The following ARG1 variants were observed in gnomAD, a reference collection of about 807,000 sequenced individuals.
The protein encoded by ARG1 is arginase 1, also known as arginase-1.
A neutral mutation model predicts 33.0 loss-of-function variants in ARG1; 20 were observed. The observed-to-expected ratio is 0.61, with a 90% confidence interval of 0.43 to 0.88. The LOEUF is 0.88. ARG1 is among the 40% of genes least tolerant of loss of function. ARG1 has a pLI of 0.00. For missense variants in ARG1, 374 were observed against 384.7 expected (o/e 0.97, Z 0.23); for synonymous variants, 146 against 140.6 (o/e 1.04, Z -0.27).
intron 1 of ARG1, chr6:131,574,080 G>T: frequency 4.8e-6 from 3 of 626,702 alleles, no homozygotes; most frequent in Admixed American, 5.0e-5. Context: ...TTTCTGCCTG[G>T]GCACACTTAT....
chr6:131,576,910 A>G (rs1334495413), intron 2 of ARG1, among the ~76,000 whole-genome samples, 175 bp downstream of exon 2: 2 of 152,152 alleles, frequency 1.3e-5, no homozygotes, highest in Non-Finnish European at 2.9e-5. Flanking sequence ...ATGCTCAGGA[A>G]ACATTGCTGG....
At chr6:131,575,299 GC>G (rs1773560400) in intron 1 of ARG1, among the ~76,000 whole-genome samples, 2 of 152,224 alleles carry the variant, frequency 1.3e-5, no homozygotes, top group Admixed American at 6.5e-5. Flanking sequence ...AAAATATAGT[GC>G]CCCACATGTA....
intron 7 of ARG1, 76 bp downstream of exon 7, chr6:131,583,567 A>AG: frequency 6.3e-7 from 1 of 1,587,264 alleles, no homozygotes; most frequent in South Asian, 1.1e-5. Context: ...TTGACCTGAA[A>AG]CCAAGTCCCA....
chr6:131,573,961 G>A lies in ARG1; in HGVS notation c.57+622G>A, dbSNP rs1420412939. The A allele has an allele frequency of 1.1e-5, 4 of 378,612 alleles. No individual in the cohort carries two copies. The East Asian group carries it at 2.0e-4, about 19-fold the overall frequency. 23.5% of individuals were successfully genotyped at this position (378,612 alleles called of 1,614,324 possible). On this transcript the variant is annotated intron_variant, in intron 1 of 7. Transcript: ENST00000368087. ...ACAAAAAAAGAAAGAAAATCCTACT[G>A]CGGGTTGGCAACTCTAAAAGGATTT...
rs548213127 is a variant in ARG1 at position 131,581,762 on chromosome 6, G to C, written c.465+384G>C. Among the ~76,000 whole-genome samples, 3 of 152,222 alleles carry C rather than the reference G, an allele frequency of 2.0e-5. No individual in the cohort carries two copies. In the South Asian group the frequency reaches 6.2e-4, roughly 32 times the overall value. On this transcript the variant is annotated intron_variant, in intron 4 of 7. Transcript: ENST00000368087. ...TCCTCTTTCCACTACATGCCACACAGTTCTGCATTCTTACTGAGTAGTCCT... is the reference window on the plus strand; with the variant it reads ...TCCTCTTTCCACTACATGCCACACACTTCTGCATTCTTACTGAGTAGTCCT...
rs751231138 is a variant in ARG1 at position 131,581,255 on chromosome 6, C to T, written c.342C>T (p.Val114=). The change falls in exon 4 of 8, where the codon GTC becomes GTT. Residue 114 remains valine (V), a synonymous_variant. Coordinates refer to ENST00000368087, the MANE Select transcript of ARG1 (RefSeq NM_000045.4). Reference sequence around the variant, plus strand: ...GAAGCATCTCTGGCCATGCCAGGGTCCACCCTGATCTTGGAGTCATCTGGG... The same window carrying T: ...GAAGCATCTCTGGCCATGCCAGGGTTCACCCTGATCTTGGAGTCATCTGGG... The part of the protein sequence containing the change: ...AIGSISGHAR[V]HPDLGVIWVD... 9 of 1,613,900 alleles carry T rather than the reference C, an allele frequency of 5.6e-6. No homozygotes were observed. The South Asian group carries it at 8.8e-5, about 16-fold the overall frequency.
chr6:131,579,667 A>G (rs1192315962), intron 3 of ARG1: 1 of 163,380 alleles, frequency 6.1e-6, no homozygotes, highest in Non-Finnish European at 1.3e-5. Flanking sequence ...TTTCATTATA[A>G]AAGTAATGAT....
Position 131,581,093 on chromosome 6 carries a change from A to G in ARG1, c.306-126A>G, listed in dbSNP as rs566447332. 21 of 919,458 alleles carry G rather than the reference A, an allele frequency of 2.3e-5. No homozygotes were observed. The South Asian group carries it at 2.9e-4, about 13-fold the overall frequency. The allele number at this position is 919,458 out of a possible 1,614,324, so 57.0% of individuals were successfully genotyped here. Reference sequence around the variant, plus strand: ...TTTAACTAATTGGCATCTCCAATTCAGAACCTATCAGAAATATCAGACACT... The same window carrying G: ...TTTAACTAATTGGCATCTCCAATTCGGAACCTATCAGAAATATCAGACACT... On this transcript the variant is annotated intron_variant, in intron 3 of 7. Coordinates refer to ENST00000368087, the MANE Select transcript of ARG1 (RefSeq NM_000045.4).
chr6:131,577,067 C>T (rs1415884293), intron 2 of ARG1, among the ~76,000 whole-genome samples: 1 of 152,028 alleles, frequency 6.6e-6, no homozygotes, highest in Non-Finnish European at 1.5e-5. Context: ...AAGTATGCTA[C>T]TAGCAAGAGG....
chr6:131,581,144 A>C (rs1773899225), intron 3 of ARG1, 75 bp from the exon 4 acceptor site: 1 of 1,456,770 alleles, frequency 6.9e-7, no homozygotes, highest in African/African-American at 1.4e-5. Context: ...ACCAAGTGGG[A>C]GCATTGAGTG....
At chr6:131,583,019 C>A (rs1774014379) in intron 5 of ARG1, 41 bp from the exon 6 acceptor site, 1 of 1,433,244 alleles carries the variant, frequency 7.0e-7, no homozygotes, top group South Asian at 1.2e-5. Context: ...CGGGCACAGT[C>A]AGCCTTATTA....
intron 1 of ARG1, among the ~76,000 whole-genome samples, chr6:131,575,301 C>T (rs535643401): frequency 6.1e-4 from 92 of 151,988 alleles, no homozygotes; most frequent in African/African-American, 2.1e-3. Context: ...AATATAGTGC[C>T]CCACATGTAA....
intron 2 of ARG1, 85 bp from the exon 3 acceptor site, chr6:131,579,026 C>T: frequency 6.8e-7 from 1 of 1,466,002 alleles, no homozygotes; most frequent in Non-Finnish European, 9.4e-7. Context: ...GAATATATGC[C>T]TATTTTATAC....
chr6:131,575,478 A>C (rs1296468315), intron 1 of ARG1, among the ~76,000 whole-genome samples: 1 of 152,204 alleles, frequency 6.6e-6, no homozygotes, highest in East Asian at 1.9e-4. Flanking sequence ...GTAAAGAAGC[A>C]AAATGTGTCA....
chr6:131,575,181 G>A (rs1773554737), intron 1 of ARG1, among the ~76,000 whole-genome samples: 1 of 152,122 alleles, frequency 6.6e-6, no homozygotes, highest in Non-Finnish European at 1.5e-5. Flanking sequence ...TGTCAACTAA[G>A]GGGTCTATGA....
At chr6:131,583,572 G>C in intron 7 of ARG1, 81 bp downstream of exon 7, 1 of 1,571,780 alleles carries the variant, frequency 6.4e-7, no homozygotes, top group Non-Finnish European at 8.7e-7. Flanking sequence ...CTGAAACCAA[G>C]TCCCAGCTGA....
intron 4 of ARG1, among the ~76,000 whole-genome samples, chr6:131,581,653 G>C (rs1266140174): frequency 1.3e-5 from 2 of 152,132 alleles, no homozygotes; most frequent in Non-Finnish European, 2.9e-5. Flanking sequence ...CAGGTCAGTG[G>C]AGGTTCAGAG....
chr6:131,575,407 AAAG>A (rs1004757317), intron 1 of ARG1, among the ~76,000 whole-genome samples: 1 of 152,146 alleles, frequency 6.6e-6, no homozygotes, highest in Non-Finnish European at 1.5e-5. Context: ...ATTGGGGTTG[AAAG>A]AAGGAGAAAT....
rs1422422629 is a variant in ARG1, at chr6:131,579,186, A to T, written c.206A>T (p.Asn69Ile). 1.7e-5 allele frequency: 27 copies of T among 1,614,156 alleles called. No individual in the cohort carries two copies. Among genetic ancestry groups the T allele is most frequent in the Non-Finnish European group, 2.3e-5 (27 of 1,180,036 alleles). ...GACAGTCCCTTTCAAATTGTGAAGA[A>T]TCCAAGGTCTGTGGGAAAAGCAAGC... is the stretch of plus-strand genomic sequence containing the variant. ...PNDSPFQIVK[N>I]PRSVGKASEQ... The change falls in exon 3 of 8, where the codon AAT becomes ATT. Residue 69 changes from asparagine to isoleucine, a missense_variant. By Grantham distance (149) the Asn-to-Ile change is moderately radical (BLOSUM62 -3). Coordinates refer to ENST00000368087, the MANE Select transcript of ARG1 (RefSeq NM_000045.4).
Sources: allele counts gnomAD v4.1 joint callset (sites outside exome capture counted in the v4.1 genomes callset), GRCh38; gene constraint gnomAD v4.1.1; transcripts MANE v1.5; gene names NCBI Gene and HGNC (gene_info 2026-07-23, HGNC 2026-07-21).